FRMD3: variants seen among roughly 807,000 people sequenced by gnomAD.
The protein encoded by FRMD3 is FERM domain-containing protein 3.
A neutral mutation model predicts 70.2 loss-of-function variants in FRMD3; 33 were observed. The ratio of observed to expected loss-of-function variants is 0.47; its 90% CI spans 0.36 to 0.63. FRMD3 has a LOEUF of 0.63. FRMD3 is among the 20% of genes least tolerant of loss of function. The pLI, the probability that FRMD3 is intolerant of heterozygous loss-of-function variation, is 0.00. For synonymous variants in FRMD3, 279 were observed against 255.9 expected, an observed-to-expected ratio of 1.09 and a Z score of -0.86; for missense variants, 632 against 711.4, an observed-to-expected ratio of 0.89 and a Z score of 1.27.
intron 1 of FRMD3, among the ~76,000 whole-genome samples, chr9:83,478,405 C>G (rs1311839705): frequency 6.6e-6 from 1 of 152,060 alleles, no homozygotes; most frequent in Non-Finnish European, 1.5e-5. Flanking sequence ...AAATGATGCT[C>G]GACATCACTA....
At chr9:83,562,986 GAA>G in the FRMD3 span, among the ~76,000 whole-genome samples, 11 of 123,120 alleles carry the variant, frequency 8.9e-5, no homozygotes, top group East Asian at 4.8e-4. Context: ...GTGATTAAAT[GAA>G]AAAAAAAAAA....
chr9:83,291,728 T>C (rs1019227568), intron 12 of FRMD3, among the ~76,000 whole-genome samples: 1 of 152,216 alleles, frequency 6.6e-6, no homozygotes, highest in Non-Finnish European at 1.5e-5. Flanking sequence ...CCAGCCATAC[T>C]TGTGCATCTC....
At chr9:83,285,456 T>C (rs1281335785) in intron 13 of FRMD3, among the ~76,000 whole-genome samples, 4 of 152,212 alleles carry the variant, frequency 2.6e-5, no homozygotes, top group Admixed American at 2.6e-4. Context: ...GTCTCCATTG[T>C]GCTTTCATTT....
rs199630865 is a variant in FRMD3 at position 83,372,965 on chromosome 9, A to C, written c.253-10T>G. On this transcript the variant is annotated splice_polypyrimidine_tract_variant and intron_variant, in intron 2 of 13. Coordinates refer to ENST00000304195, the MANE Select transcript of FRMD3 (RefSeq NM_174938.6). The stretch of plus-strand genomic sequence containing the variant: ...TAGGTTCAAGCCAGTGCTAGGGAGG[A>C]AAAAAAAAAAAGCAGAGATCAGGGG... 2 of 198,614 alleles carry C rather than the reference A, an allele frequency of 1.0e-5. No individual in the cohort carries two copies. The highest frequency in any genetic ancestry group is 1.3e-5 in the Non-Finnish European group (2 of 149,808). 12.3% of individuals were successfully genotyped at this position (198,614 alleles called of 1,614,324 possible).
Position 83,248,250 on chromosome 9 carries a change from C to T in FRMD3, c.1462G>A (p.Ala488Thr). ...GCAATCAAAAAGGCGTTTTCATCTGCTTCCAGATCCTCAAATGAATCTGTG... is the reference window on the plus strand; with the variant it reads ...GCAATCAAAAAGGCGTTTTCATCTGTTTCCAGATCCTCAAATGAATCTGTG... ...EDTDSFEDLE[A>T]DENAFLIAEE... Residue 488 changes from alanine (A) to threonine (T), a missense_variant, in exon 14 of 14, where the codon GCA becomes ACA. This residue lies in a region of FRMD3 where 418 missense variants were observed against 442.1 expected (regional missense o/e 0.95). Transcript: ENST00000304195. 1.2e-6 allele frequency: 2 copies of T among 1,614,186 alleles called. No individual in the cohort carries two copies. Among genetic ancestry groups the T allele is most frequent in the Non-Finnish European group, 1.7e-6 (2 of 1,180,038 alleles).
At chr9:83,322,695 C>G (rs1835847143) in intron 6 of FRMD3, among the ~76,000 whole-genome samples, 1 of 152,316 alleles carries the variant, frequency 6.6e-6, no homozygotes, top group South Asian at 2.1e-4. Context: ...CTCTCATACA[C>G]AAGATCATAA....
chr9:83,363,859 A>G (rs1426607959), intron 3 of FRMD3, among the ~76,000 whole-genome samples: 1 of 152,220 alleles, frequency 6.6e-6, no homozygotes, highest in African/African-American at 2.4e-5. Flanking sequence ...CGGCTGAGAC[A>G]TAGGCATTTT....
At chr9:83,434,819 C>CTTTTTTTT (rs757810185) in intron 1 of FRMD3, among the ~76,000 whole-genome samples, 22 of 74,878 alleles carry the variant, frequency 2.9e-4, no homozygotes, top group Non-Finnish European at 3.3e-4. Context: ...CACCCCTCTG[C>CTTTTTTTT]TTTTTTTTTT....
intron 1 of FRMD3, among the ~76,000 whole-genome samples, chr9:83,416,773 C>G (rs1008337229): frequency 1.2e-3 from 148 of 124,516 alleles, no homozygotes; most frequent in African/African-American, 5.0e-3. Flanking sequence ...CTCTCTCTCT[C>G]TCTCTCTCTC....
chr9:83,572,948 C>T, the FRMD3 span, among the ~76,000 whole-genome samples: 3 of 152,248 alleles, frequency 2.0e-5, no homozygotes, highest in South Asian at 2.1e-4. Context: ...CTGTGACCAT[C>T]ATGGAAATGT....
At chr9:83,443,635 T>C (rs1001803804) in intron 1 of FRMD3, among the ~76,000 whole-genome samples, 2 of 152,248 alleles carry the variant, frequency 1.3e-5, no homozygotes, top group Non-Finnish European at 2.9e-5. Context: ...GCATGATTTA[T>C]AATCCTTTGG....
chr9:83,552,334 AGT>A, the FRMD3 span, among the ~76,000 whole-genome samples: 1 of 152,158 alleles, frequency 6.6e-6, no homozygotes, highest in African/African-American at 2.4e-5. Flanking sequence ...GTGGTCTGAC[AGT>A]GTGTTTGGTA....
chr9:83,470,817 G>A (rs1828250498), intron 1 of FRMD3, among the ~76,000 whole-genome samples: 1 of 152,234 alleles, frequency 6.6e-6, no homozygotes, highest in South Asian at 2.1e-4. Flanking sequence ...ATTCAAAGAA[G>A]ACTTGGAGTT....
intron 3 of FRMD3, among the ~76,000 whole-genome samples, chr9:83,359,605 A>C (rs1277269715): frequency 2.6e-5 from 4 of 152,232 alleles, no homozygotes; most frequent in Non-Finnish European, 4.4e-5. Context: ...CCACCAATAC[A>C]TAAACAAGTG....
intron 1 of FRMD3, among the ~76,000 whole-genome samples, 193 bp from the exon 2 acceptor site, chr9:83,389,901 T>TAC (rs1484038664): frequency 2.0e-5 from 3 of 151,766 alleles, no homozygotes; most frequent in Admixed American, 6.6e-5. Flanking sequence ...CATGAGCCAT[T>TAC]ACACACACAC....
chr9:83,384,104 A>G (rs1267928281), intron 2 of FRMD3, among the ~76,000 whole-genome samples: 1 of 152,214 alleles, frequency 6.6e-6, no homozygotes, highest in Non-Finnish European at 1.5e-5. Flanking sequence ...TTTCCCACAA[A>G]GCCAAGTTAC....
intron 1 of FRMD3, among the ~76,000 whole-genome samples, chr9:83,416,800 T>C (rs1160112248): frequency 6.7e-6 from 1 of 149,402 alleles, no homozygotes; most frequent in Non-Finnish European, 1.5e-5. Context: ...TCTCTCTCTC[T>C]CTTACTCTTT....
Position 83,516,139 on chromosome 9 carries a change from C to A in FRMD3, c.147+21946G>T, listed in dbSNP as rs534878443. Among the ~76,000 whole-genome samples the A allele has an allele frequency of 1.7e-4, 26 of 152,048 alleles. No homozygotes were observed. The South Asian group carries it at 5.2e-3, about 30-fold the overall frequency. On this transcript the variant is annotated intron_variant, in intron 1 of 13. Coordinates refer to ENST00000304195, the MANE Select transcript of FRMD3 (RefSeq NM_174938.6). Reference sequence around the variant, plus strand: ...TAACAATATAAACCTTAAATGTAAACGAGCTAAATGCCCCAATTAAAAGAC... The same window carrying A: ...TAACAATATAAACCTTAAATGTAAAAGAGCTAAATGCCCCAATTAAAAGAC...
upstream of FRMD3, among the ~76,000 whole-genome samples, chr9:83,541,016 C>T (rs1003067196): frequency 1.3e-5 from 2 of 152,224 alleles, no homozygotes; most frequent in African/African-American, 4.8e-5. Flanking sequence ...AGCCCCCAAA[C>T]TCCCTTGGCA....
Sources: allele counts gnomAD v4.1 joint callset (sites outside exome capture counted in the v4.1 genomes callset), GRCh38; gene constraint gnomAD v4.1.1; regional missense constraint gnomAD v4.1.1; transcripts MANE v1.5; gene names NCBI Gene and HGNC (gene_info 2026-07-23, HGNC 2026-07-21).